The following ROBO2 variants were observed in gnomAD, a reference collection of about 807,000 sequenced individuals.
ROBO2 encodes the protein roundabout guidance receptor 2.
ROBO2 carries 53 observed loss-of-function variants against 160.8 expected under a neutral mutation model. The ratio of observed to expected loss-of-function variants is 0.33; its 90% CI spans 0.26 to 0.41. The LOEUF (loss-of-function observed/expected upper bound fraction) is 0.41. Among genes scored for constraint, ROBO2 ranks in the 10% least tolerant of loss-of-function variants. ROBO2 has a pLI of 1.00. For missense variants in ROBO2, 1,577 were observed against 1,722.4 expected, an observed-to-expected ratio of 0.92 and a Z score of 1.49; for synonymous variants, 664 against 611.7, an observed-to-expected ratio of 1.09 and a Z score of -1.26.
At chr3:76,083,100 C>T (rs1359947253) in intron 2 of ROBO2, among the ~76,000 whole-genome samples, 1 of 152,014 alleles carries the variant, frequency 6.6e-6, no homozygotes, top group African/African-American at 2.4e-5. Flanking sequence ...GTAATATGAA[C>T]ACCTTTGGGA....
At chr3:77,007,559 T>C (rs1244703074) in intron 2 of ROBO2, among the ~76,000 whole-genome samples, 2 of 152,134 alleles carry the variant, frequency 1.3e-5, no homozygotes, top group African/African-American at 4.8e-5. Flanking sequence ...GTGGGACTTT[T>C]ACTATAGACG....
At chr3:77,307,222 G>A (rs1374903832) in intron 2 of ROBO2, among the ~76,000 whole-genome samples, 2 of 152,140 alleles carry the variant, frequency 1.3e-5, no homozygotes, top group Non-Finnish European at 2.9e-5. Flanking sequence ...ATAGGGAGGT[G>A]GCAAACTGGT....
chr3:76,637,054 C>T (rs1435795908), intron 2 of ROBO2, among the ~76,000 whole-genome samples: 1 of 151,946 alleles, frequency 6.6e-6, no homozygotes, highest in African/African-American at 2.4e-5. Flanking sequence ...GATAAGATGC[C>T]TTCACAAGAG....
intron 2 of ROBO2, among the ~76,000 whole-genome samples, chr3:76,523,367 G>C (rs1218266292): frequency 6.6e-6 from 1 of 151,852 alleles, no homozygotes; most frequent in African/African-American, 2.4e-5. Flanking sequence ...CCTTCCTTCT[G>C]TTACTTGGAC....
chr3:77,449,694 T>C (rs937583813), intron 2 of ROBO2, among the ~76,000 whole-genome samples: 1 of 152,092 alleles, frequency 6.6e-6, no homozygotes, highest in African/African-American at 2.4e-5. Flanking sequence ...TTAAGCTGTG[T>C]GATTAGGTGT....
At chr3:76,126,048 A>G (rs1247869463) in intron 2 of ROBO2, among the ~76,000 whole-genome samples, 1 of 152,064 alleles carries the variant, frequency 6.6e-6, no homozygotes, top group African/African-American at 2.4e-5. Context: ...CTCTGATCTC[A>G]GGTGATCCAC....
intron 2 of ROBO2, among the ~76,000 whole-genome samples, chr3:76,686,393 A>G (rs1428408468): frequency 6.6e-6 from 1 of 152,116 alleles, no homozygotes; most frequent in Admixed American, 6.6e-5. Context: ...ACTTAAAAAG[A>G]ATCCATAAAA....
In ROBO2 at chr3:76,381,552, T is replaced by C. The variant is rs375253559; in HGVS notation, c.109+443950T>C. 5.9e-5 allele frequency among the ~76,000 whole-genome samples: 9 copies of C among 152,190 alleles called. No individual in the cohort carries two copies. The East Asian group carries it at 1.7e-3, about 29-fold the overall frequency. On this transcript the variant is annotated intron_variant, in intron 2 of 26. Coordinates refer to the ROBO2 transcript ENST00000487694. Reference sequence around the variant, plus strand: ...TTTTAATAGAGATGGGGTTTCACCATGTTAGCCAGGGTGATCTCAATCTCC... The same window carrying C: ...TTTTAATAGAGATGGGGTTTCACCACGTTAGCCAGGGTGATCTCAATCTCC...
At chr3:77,080,134 G>A (rs534728035) in intron 1 of ROBO2, among the ~76,000 whole-genome samples, 3 of 152,254 alleles carry the variant, frequency 2.0e-5, no homozygotes, top group African/African-American at 7.2e-5. Flanking sequence ...TTCCCAAGCA[G>A]TGTTATGCAA....
intron 2 of ROBO2, among the ~76,000 whole-genome samples, chr3:76,049,404 T>TATATA (rs1491247694): frequency 2.3e-5 from 1 of 43,518 alleles, no homozygotes; most frequent in Admixed American, 2.1e-4. Context: ...TATATATATA[T>TATATA]TTTTTTTTTT....
In ROBO2 at chr3:76,300,821, A is replaced by G. The variant is rs1299873793; in HGVS notation, c.109+363219A>G. 3.3e-5 allele frequency among the ~76,000 whole-genome samples: 5 copies of G among 152,088 alleles called. No individual in the cohort carries two copies. The East Asian group carries it at 7.7e-4, about 23-fold the overall frequency. On this transcript the variant is annotated intron_variant, in intron 2 of 26. Transcript: ENST00000487694. ...ATGTGAAATTGACATTCAGCAGAAA[A>G]GGAAATGAAGCCAGGTGAGTCTTTT...
chr3:77,040,182 A>G (rs1297053813), exon 1 of ROBO2: 3 of 985,900 alleles, frequency 3.0e-6, no homozygotes, highest in Non-Finnish European at 3.6e-6. Flanking sequence ...AGGGAGGGCA[A>G]CACCGCTGCA....
intron 2 of ROBO2, among the ~76,000 whole-genome samples, chr3:77,281,398 T>C (rs2060230068): frequency 6.6e-6 from 1 of 152,136 alleles, no homozygotes; most frequent in Admixed American, 6.6e-5. Context: ...ACAGTGTTAG[T>C]GCATTCAATA....
chr3:77,219,459 TG>T (rs2085457634), intron 2 of ROBO2, among the ~76,000 whole-genome samples: 1 of 116,082 alleles, frequency 8.6e-6, no homozygotes, highest in Non-Finnish European at 1.8e-5. Context: ...TATATATATA[TG>T]TATCTGTGTA....
At chr3:77,273,490 C>A (rs1276839850) in intron 2 of ROBO2, among the ~76,000 whole-genome samples, 1 of 152,094 alleles carries the variant, frequency 6.6e-6, no homozygotes, top group Non-Finnish European at 1.5e-5. Context: ...AGTAATCTAG[C>A]CGTTTTATTT....
At chr3:76,960,243 C>G in intron 2 of ROBO2, among the ~76,000 whole-genome samples, 1 of 151,380 alleles carries the variant, frequency 6.6e-6, no homozygotes, top group Non-Finnish European at 1.5e-5. Context: ...TAAACATAAA[C>G]CCCTGATAGA....
At chr3:77,415,363 G>C (rs1418577086) in intron 2 of ROBO2, among the ~76,000 whole-genome samples, 1 of 152,178 alleles carries the variant, frequency 6.6e-6, no homozygotes, top group Non-Finnish European at 1.5e-5. Flanking sequence ...GTGACGTTAA[G>C]TATGTCTGTG....
chr3:76,598,738 A>G (rs1216392685), intron 2 of ROBO2, among the ~76,000 whole-genome samples: 5 of 152,182 alleles, frequency 3.3e-5, no homozygotes, highest in Non-Finnish European at 7.4e-5. Flanking sequence ...GGACTCAAAC[A>G]TGTCCAGATG....
rs913909371 is a variant in ROBO2 at position 76,763,743 on chromosome 3, T to C, written c.110-334271T>C. On this transcript the variant is annotated intron_variant, in intron 2 of 26. Transcript: ENST00000487694. ...CATAGGGATCACCTGGGGATCTGGGTAAACTGTGGAATCGTATTCAGTGGA... is the reference window on the plus strand; with the variant it reads ...CATAGGGATCACCTGGGGATCTGGGCAAACTGTGGAATCGTATTCAGTGGA... Among the ~76,000 whole-genome samples, 15 of 151,800 alleles carry C rather than the reference T, an allele frequency of 9.9e-5. No individual in the cohort carries two copies. In the East Asian group the frequency reaches 2.6e-3, roughly 26 times the overall value.
Sources: gnomAD v4.1 joint callset for allele counts (sites outside exome capture counted in the v4.1 genomes callset) on GRCh38, gnomAD v4.1.1 for gene constraint, MANE v1.5 for transcripts, NCBI Gene and HGNC (gene_info 2026-07-23, HGNC 2026-07-21) for gene names.